The following PCDHA4 variants were observed in gnomAD, a reference collection of about 807,000 sequenced individuals.
The protein encoded by PCDHA4 is protocadherin alpha 4.
PCDHA4 carries 49 observed loss-of-function variants against 61.4 expected under a neutral mutation model. The observed-to-expected ratio is 0.80, with a 90% CI of 0.63 to 1.01. PCDHA4 has a LOEUF of 1.01. PCDHA4 is among the 50% of genes least tolerant of loss of function. The probability of loss-of-function intolerance (pLI) is 0.00; values close to 1 mark genes in which losing one functional copy is unlikely to be tolerated. For synonymous variants in PCDHA4, 590 were observed against 550.3 expected, an observed-to-expected ratio of 1.07 and a Z score of -1.01; for missense variants, 1,254 against 1,235.8, an observed-to-expected ratio of 1.01 and a Z score of -0.22.
intron 1 of PCDHA4, among the ~76,000 whole-genome samples, chr5:140,955,135 G>A (rs114298661): frequency 0.017 from 2,539 of 152,204 alleles, 31 homozygotes; most frequent in Middle Eastern, 0.034. Flanking sequence ...TGGTCTACAC[G>A]TCTGTTTTTG....
intron 1 of PCDHA4, chr5:140,847,464 C>A (rs2150400845): frequency 6.7e-6 from 1 of 149,754 alleles, no homozygotes; most frequent in Non-Finnish European, 1.5e-5. Context: ...AATTAATCGA[C>A]TTGGACGTTG....
In PCDHA4 at chr5:140,853,190, C is replaced by A. The variant is rs1013741160; in HGVS notation, c.2385+43618C>A. On this transcript the variant is annotated intron_variant, in intron 1 of 3. Transcript: ENST00000530339. ...CACCGCGCCTGGCCTAAAATGTGTT[C>A]TTTATTATTGACGGCTGTATTGATG... is the stretch of plus-strand genomic sequence containing the variant. 7.1e-6 allele frequency: 7 copies of A among 980,440 alleles called. No individual in the cohort carries two copies. In the African/African-American group the frequency reaches 1.2e-4, roughly 17 times the overall value. The allele number at this position is 980,440 out of a possible 1,614,324, so 60.7% of individuals were successfully genotyped here.
intron 3 of PCDHA4, among the ~76,000 whole-genome samples, chr5:141,007,315 C>A (rs1207897662): frequency 1.3e-5 from 2 of 148,308 alleles, no homozygotes; most frequent in Admixed American, 1.4e-4. Flanking sequence ...TTTTGGGAGG[C>A]TAAAGTGGAC....
Position 140,851,725 on chromosome 5 carries a change from G to A in PCDHA4, c.2385+42153G>A. On this transcript the variant is annotated intron_variant, in intron 1 of 3. Coordinates refer to ENST00000530339, the MANE Select transcript of PCDHA4 (RefSeq NM_018907.4). The stretch of plus-strand genomic sequence containing the variant: ...GCCATGTGAAGATTCGAAACTTCGA[G>A]TTCTTTTGAAATTCAGAGTCTGTAA... 2.1e-6 allele frequency: 2 copies of A among 968,614 alleles called. 1 individual carries two copies. The highest frequency in any genetic ancestry group is 9.6e-5 in the South Asian group (2 of 20,926). The allele number at this position is 968,614 out of a possible 1,614,324, so 60.0% of individuals were successfully genotyped here.
intron 1 of PCDHA4, among the ~76,000 whole-genome samples, chr5:140,914,691 T>G (rs1300550753): frequency 6.6e-6 from 1 of 152,130 alleles, no homozygotes; most frequent in Non-Finnish European, 1.5e-5. Flanking sequence ...TTTTCTCTGG[T>G]GGTATGATTT....
intron 3 of PCDHA4, among the ~76,000 whole-genome samples, chr5:140,999,252 T>C (rs1474093411): frequency 1.3e-5 from 2 of 152,204 alleles, no homozygotes; most frequent in African/African-American, 4.8e-5. Flanking sequence ...GGGAGTTGGA[T>C]TAGTAAAGGA....
At chr5:140,885,930 AT>A (rs1188534786) in intron 1 of PCDHA4, among the ~76,000 whole-genome samples, 9 of 152,222 alleles carry the variant, frequency 5.9e-5, no homozygotes, top group Admixed American at 5.9e-4. Context: ...CTGTTTATCT[AT>A]TTTTTGACAT....
rs1051787265 is a variant in PCDHA4 at position 140,857,050 on chromosome 5, G to A, written c.2385+47478G>A. On this transcript the variant is annotated intron_variant, in intron 1 of 3. Transcript: ENST00000530339. ...ACCCACCTATGGTTGGTCACTGCAC[G>A]GTCCTAGTGGAACTACTGGATGAAA... is the stretch of plus-strand genomic sequence containing the variant. 1.3e-5 allele frequency: 20 copies of A among 1,595,508 alleles called. 1 individual carries two copies. The highest frequency in any genetic ancestry group is 1.7e-5 in the Non-Finnish European group (20 of 1,165,320).
chr5:140,857,861 T>A lies in PCDHA4; in HGVS notation c.2385+48289T>A, dbSNP rs890760526. 6.3e-7 allele frequency: 1 copy of A among 1,597,494 alleles called. No homozygotes were observed. The highest frequency in any genetic ancestry group is 2.2e-5 in the East Asian group (1 of 44,806). ...GGACGCTGACTCTGGATACAACGCGTGGCTGTCGTATGAATTGCAGTCGGC... is the reference window on the plus strand; with the variant it reads ...GGACGCTGACTCTGGATACAACGCGAGGCTGTCGTATGAATTGCAGTCGGC... On this transcript the variant is annotated intron_variant, in intron 1 of 3. Transcript: ENST00000530339.
chr5:140,817,904 C>A (rs1766231046), intron 1 of PCDHA4, among the ~76,000 whole-genome samples: 1 of 152,194 alleles, frequency 6.6e-6, no homozygotes, highest in African/African-American at 2.4e-5. Context: ...TTTAAGATGA[C>A]ATTCCATGGT....
Position 140,808,185 on chromosome 5 carries a change from A to G in PCDHA4, c.998A>G (p.His333Arg). 1 of 1,614,236 alleles carries G rather than the reference A, an allele frequency of 6.2e-7. No homozygotes were observed. Among genetic ancestry groups the G allele is most frequent in the Non-Finnish European group, 8.5e-7 (1 of 1,180,038 alleles). The change falls in exon 1 of 4, where the codon CAT becomes CGT. Residue 333 changes from histidine to arginine, a missense_variant. Physicochemically the swap from His to Arg is conservative, Grantham distance 29. Coordinates refer to ENST00000530339, the MANE Select transcript of PCDHA4 (RefSeq NM_018907.4). Reference sequence around the variant, plus strand: ...AAGGGACAGCTCCCACTTTCTGGCCATTGTAGAGTTATTGTGGAAGTAGAA... The same window carrying G: ...AAGGGACAGCTCCCACTTTCTGGCCGTTGTAGAGTTATTGTGGAAGTAGAA... ...IDKGQLPLSG[H>R]CRVIVEVEDN...
At position 140,850,017 on chromosome 5, in the gene PCDHA4, G is replaced by A. The variant is rs149779533; in HGVS notation, c.2385+40445G>A. On this transcript the variant is annotated intron_variant, in intron 1 of 3. Transcript: ENST00000530339. ...GGGCGAGCGCTCGCTGTCGAGCTAC[G>A]TGTCAGTGCACGCGGAGAGCGGCAA... is the stretch of plus-strand genomic sequence containing the variant. 9,030 of 1,596,972 alleles carry A rather than the reference G, an allele frequency of 5.7e-3. 796 individuals are homozygous for A. Among genetic ancestry groups the A allele is most frequent in the South Asian group, 0.03 (2,755 of 90,494 alleles).
At chr5:140,834,853 C>T in intron 1 of PCDHA4, 1 of 1,610,524 alleles carries the variant, frequency 6.2e-7, no homozygotes, top group Non-Finnish European at 8.5e-7. Flanking sequence ...CTAGAGGGCG[C>T]GTCCGATGCA....
chr5:140,836,312 G>A, intron 1 of PCDHA4: 1 of 1,613,712 alleles, frequency 6.2e-7, no homozygotes, highest in Non-Finnish European at 8.5e-7. Flanking sequence ...CGGACGCACC[G>A]CGCCACCGCC....
At chr5:140,849,010 T>C in intron 1 of PCDHA4, 1 of 1,591,032 alleles carries the variant, frequency 6.3e-7, no homozygotes, top group Non-Finnish European at 8.6e-7. Context: ...ACTTACAGAC[T>C]GAGCCCCAAT....
At chr5:140,877,862 A>T (rs1554170193) in intron 1 of PCDHA4, 1 of 1,505,068 alleles carries the variant, frequency 6.6e-7, no homozygotes, top group East Asian at 2.4e-5. Flanking sequence ...TATTATTTAG[A>T]TATATTTGTT....
intron 1 of PCDHA4, chr5:140,857,559 C>G (rs550275293): frequency 2.5e-6 from 4 of 1,596,876 alleles, no homozygotes; most frequent in Non-Finnish European, 3.4e-6. Context: ...CGCTCGCTGT[C>G]GAGCTACGTG....
intron 1 of PCDHA4, chr5:140,851,749 A>C (rs2042149157): frequency 1.0e-6 from 1 of 971,858 alleles, no homozygotes; most frequent in African/African-American, 1.8e-5. Context: ...CAGAGTCTGT[A>C]ACTTAAAACA....
chr5:140,850,326 C>A (rs2150479866), intron 1 of PCDHA4: 3 of 1,597,642 alleles, frequency 1.9e-6, no homozygotes, highest in East Asian at 2.2e-5. Flanking sequence ...TTCATACGAG[C>A]TGCAGCCAGA....
Sources: allele counts gnomAD v4.1 joint callset (sites outside exome capture counted in the v4.1 genomes callset), GRCh38; gene constraint gnomAD v4.1.1; transcripts MANE v1.5; gene names NCBI Gene and HGNC (gene_info 2026-07-23, HGNC 2026-07-21).